Variants in NNT observed in about 807,000 individuals in gnomAD.
The protein encoded by NNT is NAD(P) transhydrogenase, mitochondrial.
NNT carries 50 observed loss-of-function variants against 104.8 expected under a neutral mutation model. The observed-to-expected ratio is 0.48, with a 90% CI of 0.38 to 0.60. NNT has a LOEUF of 0.60. Ranked by LOEUF, NNT falls within the 20% of genes least tolerant of loss-of-function variation. The pLI is 0.00. For missense variants in NNT, 1,131 were observed against 1,330.7 expected (o/e 0.85, Z 2.33); for synonymous variants, 461 against 490.4 (o/e 0.94, Z 0.79).
chr5:43,684,641 G>A (rs1199587557), intron 19 of NNT, among the ~76,000 whole-genome samples: 4 of 151,672 alleles, frequency 2.6e-5, no homozygotes, highest in Admixed American at 6.6e-5. Flanking sequence ...TCACTACCAA[G>A]GATAATTTAT....
intron 2 of NNT, among the ~76,000 whole-genome samples, chr5:43,611,641 C>T (rs184906125): frequency 2.0e-4 from 31 of 152,222 alleles, no homozygotes; most frequent in African/African-American, 7.5e-4. Context: ...GAATCTAAGA[C>T]AGTGTTCAAA....
intron 20 of NNT, among the ~76,000 whole-genome samples, chr5:43,701,070 G>A (rs914984105): frequency 2.0e-5 from 3 of 152,316 alleles, no homozygotes; most frequent in Middle Eastern, 3.4e-3. Context: ...CAGATTTTGA[G>A]ACTCTCAAGG....
chr5:43,603,460 T>C (rs1048006733), intron 1 of NNT, among the ~76,000 whole-genome samples, 166 bp downstream of exon 1: 11 of 151,482 alleles, frequency 7.3e-5, no homozygotes, highest in Non-Finnish European at 1.3e-4. Flanking sequence ...GCAGGGTGCA[T>C]TGGGGTGTCC....
At chr5:43,618,521 C>T (rs1227084526) in intron 4 of NNT, among the ~76,000 whole-genome samples, 1 of 152,168 alleles carries the variant, frequency 6.6e-6, no homozygotes, top group African/African-American at 2.4e-5. Flanking sequence ...CCCCCCATTA[C>T]CTAAGCACTA....
intron 19 of NNT, among the ~76,000 whole-genome samples, chr5:43,693,105 G>T (rs1742376272): frequency 1.3e-5 from 2 of 151,328 alleles, no homozygotes; most frequent in Admixed American, 1.3e-4. Context: ...TGAACCTGAG[G>T]GATTATTCAG....
intron 18 of NNT, 86 bp downstream of exon 18, chr5:43,675,756 T>C: frequency 3.0e-6 from 3 of 1,016,720 alleles, no homozygotes; most frequent in Admixed American, 3.7e-5. Context: ...AAAGTAGAAT[T>C]GAAACTTCTT....
chr5:43,603,268 C>A lies in NNT; in HGVS notation c.-80C>A, dbSNP rs566146896. On this transcript the variant is annotated 5_prime_UTR_variant, in exon 1 of 22. Transcript: ENST00000344920. ...TCCTCTCGCGGCCCTCAGGGCACAG[C>A]CCAAGGCTGTCAGCCTCCCGGCCCA... 1 of 152,592 alleles carries A rather than the reference C, an allele frequency of 6.6e-6. No individual in the cohort carries two copies. Among genetic ancestry groups the A allele is most frequent in the East Asian group, 1.9e-4 (1 of 5,178 alleles). The allele number at this position is 152,592 out of a possible 1,614,324, so 9.5% of individuals were successfully genotyped here. A position where few individuals can be genotyped will look rare whatever the true frequency, so the allele number is the denominator to read the frequency against.
At chr5:43,665,732 G>A (rs188277629) in intron 17 of NNT, among the ~76,000 whole-genome samples, 2 of 128,240 alleles carry the variant, frequency 1.6e-5, no homozygotes, top group East Asian at 4.0e-4. Context: ...CCGTTCTCAA[G>A]GAGCTGTTGG....
At chr5:43,683,955 C>A (rs764971470) in intron 19 of NNT, among the ~76,000 whole-genome samples, 1 of 152,138 alleles carries the variant, frequency 6.6e-6, no homozygotes, top group Non-Finnish European at 1.5e-5. Flanking sequence ...TATAATTACT[C>A]TCCTCAGGAT....
chr5:43,665,963 C>G lies in NNT; in HGVS notation c.2634+6613C>G, dbSNP rs111571209. ...TCCTCAGTTCCCAGACGGGGTCGCG[C>G]CCCGGCAGAGGCGCTCTTCACATCT... On this transcript the variant is annotated intron_variant, in intron 17 of 21. Transcript: ENST00000344920. Among the ~76,000 whole-genome samples the G allele has an allele frequency of 3.6e-3, 544 of 150,888 alleles. 2 individuals carry two copies. The highest frequency in any genetic ancestry group is 0.013 in the African/African-American group (533 of 40,940).
chr5:43,667,279 T>TTTA (rs1337124286), intron 17 of NNT: 1 of 703,174 alleles, frequency 1.4e-6, no homozygotes. Context: ...AACCCTATTT[T>TTTA]TTATTATTAT....
chr5:43,667,537 G>A (rs542833144), intron 17 of NNT, among the ~76,000 whole-genome samples: 35 of 152,134 alleles, frequency 2.3e-4, no homozygotes, highest in Admixed American at 7.9e-4. Flanking sequence ...TTGTTCTTGC[G>A]ATAGTTTGCT....
intron 17 of NNT, among the ~76,000 whole-genome samples, chr5:43,670,399 G>A (rs1237662471): frequency 6.6e-6 from 1 of 152,098 alleles, no homozygotes; most frequent in Admixed American, 6.6e-5. Context: ...GATCTTTTCT[G>A]CTTTCTCTTG....
chr5:43,702,791 C>T, intron 21 of NNT, 55 bp downstream of exon 21: 3 of 1,224,944 alleles, frequency 2.4e-6, no homozygotes, highest in South Asian at 1.4e-5. Flanking sequence ...TTCAAATATA[C>T]ACACAGAACT....
chr5:43,607,404 C>A (rs534431502), intron 1 of NNT, among the ~76,000 whole-genome samples: 20 of 152,164 alleles, frequency 1.3e-4, no homozygotes, highest in Non-Finnish European at 2.6e-4. Context: ...CACCTTGTGA[C>A]CCCCACCACT....
intron 14 of NNT, chr5:43,653,567 AC>A (rs1561293507): frequency 6.7e-6 from 1 of 149,558 alleles, no homozygotes; most frequent in Non-Finnish European, 1.4e-5. Flanking sequence ...TGCTTCATAG[AC>A]CTGTTAAAAA....
At chr5:43,682,524 T>C (rs1741777567) in intron 19 of NNT, among the ~76,000 whole-genome samples, 1 of 152,202 alleles carries the variant, frequency 6.6e-6, no homozygotes, top group African/African-American at 2.4e-5. Flanking sequence ...ATTTTCCTGT[T>C]TTTCATGGAT....
At chr5:43,683,714 A>G (rs371078549) in intron 19 of NNT, among the ~76,000 whole-genome samples, 14 of 152,366 alleles carry the variant, frequency 9.2e-5, no homozygotes, top group African/African-American at 3.4e-4. Context: ...CATAAAAATT[A>G]TTCAGACAGA....
chr5:43,649,967 T>C (rs1739666837), intron 11 of NNT, among the ~76,000 whole-genome samples: 1 of 152,210 alleles, frequency 6.6e-6, no homozygotes, highest in Admixed American at 6.5e-5. Context: ...TTTTATAACA[T>C]TGCCATAGGC....
Sources: gnomAD v4.1 joint callset for allele counts (sites outside exome capture counted in the v4.1 genomes callset) on GRCh38, gnomAD v4.1.1 for gene constraint, MANE v1.5 for transcripts, NCBI Gene and HGNC (gene_info 2026-07-23, HGNC 2026-07-21) for gene names.